The following IGSF21 variants were observed in gnomAD, a reference collection of about 807,000 sequenced individuals.
IGSF21 encodes the protein immunoglobulin superfamily member 21.
A neutral mutation model predicts 46.8 loss-of-function variants in IGSF21; 28 were observed. The observed-to-expected ratio is 0.60, with a 90% confidence interval of 0.44 to 0.82. The LOEUF (loss-of-function observed/expected upper bound fraction) is 0.82. Ranked by LOEUF, IGSF21 falls within the 40% of genes least tolerant of loss-of-function variation. The pLI is 0.00. For synonymous variants in IGSF21, 284 were observed against 273.6 expected (o/e 1.04, Z -0.38); for missense variants, 624 against 665.5 (o/e 0.94, Z 0.69).
chr1:18,343,083 T>A (rs934296903), intron 4 of IGSF21, among the ~76,000 whole-genome samples: 1 of 152,206 alleles, frequency 6.6e-6, no homozygotes, highest in Non-Finnish European at 1.5e-5. Flanking sequence ...CTTCTCCACA[T>A]CTTTGTCGAC....
At chr1:18,263,451 G>A (rs1276429562) in intron 2 of IGSF21, among the ~76,000 whole-genome samples, 1 of 151,668 alleles carries the variant, frequency 6.6e-6, no homozygotes, top group African/African-American at 2.4e-5. Flanking sequence ...CCAGGCGAAT[G>A]CACATCTGAG....
chr1:18,279,049 G>C (rs1413865847), intron 2 of IGSF21, among the ~76,000 whole-genome samples: 1 of 152,220 alleles, frequency 6.6e-6, no homozygotes, highest in Non-Finnish European at 1.5e-5. Flanking sequence ...ACCCAGACGG[G>C]CAACCCTGGG....
chr1:18,153,899 C>T (rs781152507), intron 1 of IGSF21, among the ~76,000 whole-genome samples: 17 of 152,190 alleles, frequency 1.1e-4, no homozygotes, highest in Non-Finnish European at 2.4e-4. Flanking sequence ...ACCCCTCATG[C>T]AGCCCTGAGC....
At chr1:18,229,773 G>A (rs1203381838) in intron 2 of IGSF21, among the ~76,000 whole-genome samples, 1 of 152,206 alleles carries the variant, frequency 6.6e-6, no homozygotes, top group Non-Finnish European at 1.5e-5. Flanking sequence ...GTATTTACAG[G>A]ATATGGGAAC....
At chr1:18,328,749 A>C (rs1476976436) in intron 3 of IGSF21, among the ~76,000 whole-genome samples, 2 of 152,218 alleles carry the variant, frequency 1.3e-5, no homozygotes, top group African/African-American at 4.8e-5. Context: ...ACAGCACAGG[A>C]AAAGCAAATC....
chr1:18,173,856 C>T (rs552783514), intron 1 of IGSF21, among the ~76,000 whole-genome samples: 10 of 152,236 alleles, frequency 6.6e-5, no homozygotes, highest in African/African-American at 1.9e-4. Context: ...CAGGTTCAAG[C>T]GATTCTCCTG....
At chr1:18,119,468 A>G (rs955898182) in intron 1 of IGSF21, among the ~76,000 whole-genome samples, 1 of 152,270 alleles carries the variant, frequency 6.6e-6, no homozygotes. Flanking sequence ...GGTATTGGAC[A>G]GTGCACTTCC....
chr1:18,351,730 C>T (rs182389490), intron 4 of IGSF21, among the ~76,000 whole-genome samples: 1 of 152,204 alleles, frequency 6.6e-6, no homozygotes, highest in African/African-American at 2.4e-5. Flanking sequence ...ATACTCACCT[C>T]TCAGATATAT....
At chr1:18,297,431 A>G in intron 3 of IGSF21, among the ~76,000 whole-genome samples, 1 of 152,058 alleles carries the variant, frequency 6.6e-6, no homozygotes, top group East Asian at 1.9e-4. Flanking sequence ...GATGGAGATA[A>G]AGTGGTGAAC....
intron 1 of IGSF21, among the ~76,000 whole-genome samples, chr1:18,181,187 C>A (rs578026758): frequency 2.0e-5 from 3 of 152,168 alleles, no homozygotes; most frequent in African/African-American, 7.2e-5. Context: ...CTCGGTCGTG[C>A]GGCGGATGTG....
chr1:18,181,098 G>A (rs1358453904), intron 1 of IGSF21, among the ~76,000 whole-genome samples: 1 of 152,146 alleles, frequency 6.6e-6, no homozygotes, highest in Non-Finnish European at 1.5e-5. Flanking sequence ...CCAGGGAAGG[G>A]AATGAGCCCT....
intron 3 of IGSF21, among the ~76,000 whole-genome samples, chr1:18,307,886 C>T (rs1468783249): frequency 6.6e-6 from 1 of 151,392 alleles, no homozygotes; most frequent in Non-Finnish European, 1.5e-5. Flanking sequence ...AGGGCTCGAC[C>T]CCAGGCCCTT....
intron 1 of IGSF21, among the ~76,000 whole-genome samples, chr1:18,126,509 G>A (rs2124412428): frequency 6.6e-6 from 1 of 152,176 alleles, no homozygotes; most frequent in South Asian, 2.1e-4. Context: ...AAGCTGGGAG[G>A]GAGGCCTGTG....
At chr1:18,154,022 C>A (rs942045535) in intron 1 of IGSF21, among the ~76,000 whole-genome samples, 1 of 152,200 alleles carries the variant, frequency 6.6e-6, no homozygotes, top group Admixed American at 6.5e-5. Context: ...GTCTCACCAC[C>A]TTATCTGCAT....
At chr1:18,208,395 A>ATATATTTTTT (rs369367032) in intron 1 of IGSF21, among the ~76,000 whole-genome samples, 7 of 123,766 alleles carry the variant, frequency 5.7e-5, no homozygotes, top group Non-Finnish European at 7.0e-5. Context: ...ATATATATAT[A>ATATATTTTTT]TTTTTTGAGA....
intron 3 of IGSF21, among the ~76,000 whole-genome samples, chr1:18,309,022 C>T (rs890311838): frequency 1.3e-5 from 2 of 152,050 alleles, no homozygotes; most frequent in Non-Finnish European, 2.9e-5. Context: ...GGAGGGGATG[C>T]AGCTCTGCCT....
intron 1 of IGSF21, among the ~76,000 whole-genome samples, chr1:18,137,072 G>A (rs940754561): frequency 1.3e-5 from 2 of 152,070 alleles, no homozygotes; most frequent in East Asian, 1.9e-4. Flanking sequence ...GTGGTTCTGC[G>A]GGCTGTACAG....
intron 1 of IGSF21, among the ~76,000 whole-genome samples, chr1:18,184,336 C>T (rs2086883566): frequency 6.6e-6 from 1 of 152,254 alleles, no homozygotes; most frequent in East Asian, 1.9e-4. Flanking sequence ...AACCACCCTC[C>T]CTTCTCCCCC....
intron 2 of IGSF21, among the ~76,000 whole-genome samples, chr1:18,232,427 C>A (rs1569586987): frequency 1.3e-5 from 2 of 152,154 alleles, no homozygotes; most frequent in South Asian, 4.2e-4. Flanking sequence ...CATTATTGAG[C>A]CTTTACTATG....
Sources: allele counts gnomAD v4.1 joint callset (sites outside exome capture counted in the v4.1 genomes callset), GRCh38; gene constraint gnomAD v4.1.1; transcripts MANE v1.5; gene names NCBI Gene and HGNC (gene_info 2026-07-23, HGNC 2026-07-21).